Variants in CFAP95 observed in about 807,000 individuals in gnomAD.
CFAP95 encodes the protein cilia- and flagella-associated protein 95.
the CFAP95 span, among the ~76,000 whole-genome samples, chr9:69,849,712 A>G: frequency 2.0e-5 from 3 of 152,158 alleles, no homozygotes; most frequent in Non-Finnish European, 4.4e-5. Context: ...ATCTGGAAAC[A>G]TACCATTCAG....
chr9:69,823,658 C>T, the CFAP95 span, among the ~76,000 whole-genome samples: 1 of 152,184 alleles, frequency 6.6e-6, no homozygotes, highest in Non-Finnish European at 1.5e-5. Flanking sequence ...CAAACAGGCT[C>T]TGTGTGAGCA....
At chr9:69,898,626 A>G in the CFAP95 span, among the ~76,000 whole-genome samples, 7 of 152,318 alleles carry the variant, frequency 4.6e-5, no homozygotes, top group South Asian at 1.5e-3. Flanking sequence ...TCTGTGGTAC[A>G]GTTTTCAATT....
At chr9:69,874,390 A>T in the CFAP95 span, among the ~76,000 whole-genome samples, 3 of 152,166 alleles carry the variant, frequency 2.0e-5, no homozygotes, top group Non-Finnish European at 4.4e-5. Flanking sequence ...GAGCAAGGGG[A>T]GTTGGTTACG....
chr9:69,843,507 CT>C, the CFAP95 span, among the ~76,000 whole-genome samples: 42 of 944 alleles, frequency 0.044, 2 homozygotes, highest in South Asian at 0.17. Context: ...TCCTCCCCCC[CT>C]CCTCCTCCTC....
the CFAP95 span, among the ~76,000 whole-genome samples, chr9:69,835,782 T>C: frequency 6.6e-6 from 1 of 152,186 alleles, no homozygotes; most frequent in African/African-American, 2.4e-5. Flanking sequence ...TACAAAACAA[T>C]ATGAAAGGTG....
the CFAP95 span, among the ~76,000 whole-genome samples, chr9:69,866,039 G>T: frequency 2.6e-5 from 4 of 152,132 alleles, no homozygotes; most frequent in Non-Finnish European, 4.4e-5. Flanking sequence ...AGCTGAGATA[G>T]TTTAATACCA....
At chr9:69,904,071 A>C in the CFAP95 span, among the ~76,000 whole-genome samples, 2 of 152,092 alleles carry the variant, frequency 1.3e-5, no homozygotes, top group African/African-American at 4.8e-5. Flanking sequence ...TTCACATACT[A>C]TAACACTCAC....
At chr9:69,841,170 A>ATATATATATATATATATATATATG in the CFAP95 span, among the ~76,000 whole-genome samples, 1 of 73,832 alleles carries the variant, frequency 1.4e-5, no homozygotes, top group Non-Finnish European at 3.0e-5. Flanking sequence ...TGGATTATAT[A>ATATATATATATATATATATATATG]TATATATATA....
At chr9:69,830,898 G>A in the CFAP95 span, among the ~76,000 whole-genome samples, 2 of 152,020 alleles carry the variant, frequency 1.3e-5, no homozygotes, top group Admixed American at 6.6e-5. Context: ...GGTCTAAAGC[G>A]ATCCTCCAAC....
chr9:69,869,224 G>A, the CFAP95 span, among the ~76,000 whole-genome samples: 7 of 152,178 alleles, frequency 4.6e-5, no homozygotes, highest in East Asian at 9.7e-4. Context: ...ATTCACAATC[G>A]CCAAGATACA....
At chr9:69,842,823 G>A in the CFAP95 span, among the ~76,000 whole-genome samples, 2 of 152,212 alleles carry the variant, frequency 1.3e-5, no homozygotes, top group South Asian at 4.1e-4. Context: ...ATGCTCAGAT[G>A]TGAGGAGAGA....
the CFAP95 span, among the ~76,000 whole-genome samples, chr9:69,852,169 T>A: frequency 0.011 from 1,642 of 152,064 alleles, 29 homozygotes; most frequent in African/African-American, 0.037. Flanking sequence ...GTATATATTT[T>A]TTTTTTTTTG....
the CFAP95 span, among the ~76,000 whole-genome samples, chr9:69,858,669 T>G: frequency 6.6e-6 from 1 of 152,308 alleles, no homozygotes; most frequent in East Asian, 1.9e-4. Context: ...TATTGATCGA[T>G]TGGTGAAAAT....
the CFAP95 span, chr9:69,902,347 T>C: frequency 2.2e-6 from 1 of 454,654 alleles, no homozygotes; most frequent in Non-Finnish European, 4.4e-6. Context: ...AACTCTATAA[T>C]CTCCCAGGTT....
chr9:69,829,418 C>T, the CFAP95 span, among the ~76,000 whole-genome samples: 1 of 152,094 alleles, frequency 6.6e-6, no homozygotes, highest in Non-Finnish European at 1.5e-5. Flanking sequence ...CTGGCATTTA[C>T]AAAAATAAAA....
chr9:69,871,914 A>G, the CFAP95 span, among the ~76,000 whole-genome samples: 2 of 152,300 alleles, frequency 1.3e-5, no homozygotes, highest in South Asian at 4.1e-4. Context: ...ACTGTTTAAT[A>G]TCATTACAGT....
chr9:69,830,523 C>T, the CFAP95 span, among the ~76,000 whole-genome samples: 1 of 152,206 alleles, frequency 6.6e-6, no homozygotes, highest in Non-Finnish European at 1.5e-5. Flanking sequence ...CAACTTGTAT[C>T]TACTCAATGC....
At chr9:69,860,066 A>G in the CFAP95 span, among the ~76,000 whole-genome samples, 1 of 152,280 alleles carries the variant, frequency 6.6e-6, no homozygotes, top group African/African-American at 2.4e-5. Context: ...CTAGGACATT[A>G]CTAAATACTA....
At chr9:69,827,807 G>A in the CFAP95 span, among the ~76,000 whole-genome samples, 2 of 152,242 alleles carry the variant, frequency 1.3e-5, no homozygotes, top group South Asian at 2.1e-4. Context: ...CACAGCCCCC[G>A]ACTTAGGCTG....
Sources: allele counts gnomAD v4.1 joint callset (sites outside exome capture counted in the v4.1 genomes callset), GRCh38; gene constraint gnomAD v4.1.1; transcripts MANE v1.5; gene names NCBI Gene and HGNC (gene_info 2026-07-23, HGNC 2026-07-21).